RSPH14: variants seen among roughly 807,000 people sequenced by gnomAD.
RSPH14 encodes rhabdoid tumor deletion region gene 1.
In RSPH14, 20 loss-of-function variants were observed where a neutral mutation model predicts 26.7. The ratio of observed to expected loss-of-function variants is 0.75; its 90% CI spans 0.53 to 1.09. The LOEUF is 1.09. Among genes scored for constraint, RSPH14 ranks in the 50% least tolerant of loss-of-function variants. The probability of loss-of-function intolerance (pLI) is 0.00; values close to 1 mark genes in which losing one functional copy is unlikely to be tolerated. For synonymous variants in RSPH14, 177 were observed against 189.3 expected, an observed-to-expected ratio of 0.93 and a Z score of 0.53; for missense variants, 449 against 457.2, an observed-to-expected ratio of 0.98 and a Z score of 0.16.
At chr22:23,072,120 GCTT>G (rs1200700975) in intron 4 of RSPH14, among the ~76,000 whole-genome samples, 1 of 152,186 alleles carries the variant, frequency 6.6e-6, no homozygotes, top group Admixed American at 6.5e-5. Flanking sequence ...CTGAGACTGT[GCTT>G]CCAGGCACTT....
Position 23,123,203 on chromosome 22 carries a change from C to G in RSPH14, c.421+10823G>C, listed in dbSNP as rs762162883. 3 of 1,614,052 alleles carry G rather than the reference C, an allele frequency of 1.9e-6. No individual in the cohort carries two copies. In the East Asian group the frequency reaches 6.7e-5, roughly 36 times the overall value. On this transcript the variant is annotated intron_variant, in intron 4 of 6. Transcript: ENST00000216036. ...AGGACCTGCTGGCAGAGAAGATCCG[C>G]CGCATCCCGCTCACCATCTGCTTTC...
chr22:23,145,241 A>AT, upstream of RSPH14: 3 of 857,726 alleles, frequency 3.5e-6, no homozygotes, highest in East Asian at 2.8e-5. Flanking sequence ...GGGCCTCCAT[A>AT]GCCCCGCCCA....
the RSPH14 span, among the ~76,000 whole-genome samples, chr22:23,175,380 A>G: frequency 6.9e-6 from 1 of 144,934 alleles, no homozygotes; most frequent in Admixed American, 6.9e-5. Flanking sequence ...GTCTCACTCC[A>G]TCACCCAGGC....
chr22:23,152,445 G>C, the RSPH14 span: 1 of 1,614,084 alleles, frequency 6.2e-7, no homozygotes. Context: ...CGGCAACACG[G>C]CCATATTTCT....
chr22:23,124,274 C>T (rs1601844706), intron 4 of RSPH14: 1 of 175,300 alleles, frequency 5.7e-6, no homozygotes. Context: ...CAGAAAATTT[C>T]AAATGCAGTT....
intron 4 of RSPH14, among the ~76,000 whole-genome samples, chr22:23,110,448 C>T (rs549738991): frequency 6.6e-6 from 1 of 152,354 alleles, no homozygotes; most frequent in African/African-American, 2.4e-5. Flanking sequence ...CAGCCAGGAA[C>T]AGGTCACCAG....
the RSPH14 span, chr22:23,158,956 G>A: frequency 1.9e-6 from 3 of 1,614,200 alleles, no homozygotes; most frequent in Non-Finnish European, 2.5e-6. Flanking sequence ...CATCTTCCTC[G>A]TGGGAACCAA....
intron 4 of RSPH14, chr22:23,070,715 C>T (rs1473381460): frequency 6.6e-6 from 1 of 152,254 alleles, no homozygotes; most frequent in Non-Finnish European, 1.5e-5. Context: ...CAGGGATGCC[C>T]CTCAGGGGTG....
In RSPH14 at chr22:23,140,254, T is replaced by C; in HGVS notation, c.167A>G (p.Asp56Gly). The part of the protein sequence containing the change: ...ALMALCDLMH[D>G]PECIYKAMNI... ...CATGGCCTTGTAGATACACTCGGGGTCATGCATGAGGTCACACAAGGCCAT... is the reference window on the plus strand; with the variant it reads ...CATGGCCTTGTAGATACACTCGGGGCCATGCATGAGGTCACACAAGGCCAT... Residue 56 changes from aspartate (D) to glycine (G), a missense_variant, in exon 2 of 7, where the codon GAC (aspartate) becomes GGC (glycine). Transcript: ENST00000216036. 1 of 1,613,970 alleles carries C rather than the reference T, an allele frequency of 6.2e-7. No individual in the cohort carries two copies. Among genetic ancestry groups the C allele is most frequent in the Non-Finnish European group, 8.5e-7 (1 of 1,180,010 alleles).
chr22:23,107,798 C>T (rs142584661), intron 4 of RSPH14, among the ~76,000 whole-genome samples: 7 of 152,262 alleles, frequency 4.6e-5, no homozygotes, highest in South Asian at 2.1e-4. Flanking sequence ...AGTTCCTGAT[C>T]GTTTTAAAGC....
chr22:23,083,638 C>T (rs964807527), intron 4 of RSPH14, among the ~76,000 whole-genome samples: 2 of 152,090 alleles, frequency 1.3e-5, no homozygotes, highest in Admixed American at 6.6e-5. Context: ...CACACACAAG[C>T]CATTGGAGGC....
chr22:23,149,779 C>G (rs1269061189), upstream of RSPH14, among the ~76,000 whole-genome samples: 1 of 152,244 alleles, frequency 6.6e-6, no homozygotes, highest in African/African-American at 2.4e-5. Flanking sequence ...CCAGAGCAGA[C>G]AGGCCTGTCA....
chr22:23,109,757 C>G (rs1163195231), intron 4 of RSPH14, among the ~76,000 whole-genome samples: 1 of 152,246 alleles, frequency 6.6e-6, no homozygotes, highest in Non-Finnish European at 1.5e-5. Flanking sequence ...GGAATGGAAA[C>G]AGCTGCCCCA....
At chr22:23,154,971 C>A in the RSPH14 span, among the ~76,000 whole-genome samples, 6 of 152,084 alleles carry the variant, frequency 3.9e-5, no homozygotes, top group African/African-American at 1.4e-4. Context: ...ACTAAAAATA[C>A]AAAATTAGCC....
rs577914438 is a variant in RSPH14 at position 23,087,141 on chromosome 22, G to A, written c.422-23008C>T. Among the ~76,000 whole-genome samples, 7 of 152,268 alleles carry A rather than the reference G, an allele frequency of 4.6e-5. No individual in the cohort carries two copies. The South Asian group carries it at 1.0e-3, about 23-fold the overall frequency. Reference sequence around the variant, plus strand: ...TGGTGGGAGCTGATGTAGGGACGGCGGCTCCAGAGTTGGGGGCAGCACCCA... The same window carrying A: ...TGGTGGGAGCTGATGTAGGGACGGCAGCTCCAGAGTTGGGGGCAGCACCCA... On this transcript the variant is annotated intron_variant, in intron 4 of 6. Transcript: ENST00000216036.
At position 23,130,093 on chromosome 22, in the gene RSPH14, A is replaced by AAGAAAG. The variant is rs2070295177; in HGVS notation, c.421+3927_421+3932dup. Among the ~76,000 whole-genome samples the AAGAAAG allele has an allele frequency of 2.5e-4, 9 of 35,656 alleles. 2 individuals are homozygous for AAGAAAG. The highest frequency in any genetic ancestry group is 7.4e-4 in the African/African-American group (9 of 12,110). 23.4% of individuals were successfully genotyped at this position (35,656 alleles called of 152,430 possible). ...AAAGAAAGAAAGAAAGGAAGAAAGA[A>AAGAAAG]AGAAAGAAAGAAAGAAAGAAAGAAA... On this transcript the variant is annotated intron_variant, in intron 4 of 6. Transcript: ENST00000216036.
At chr22:23,169,122 A>T in the RSPH14 span, among the ~76,000 whole-genome samples, 1 of 152,274 alleles carries the variant, frequency 6.6e-6, no homozygotes, top group African/African-American at 2.4e-5. Flanking sequence ...GTTCCTGAGG[A>T]GGGGCCCAGG....
chr22:23,145,579 C>T (rs760825694), upstream of RSPH14: 1 of 1,584,650 alleles, frequency 6.3e-7, no homozygotes, highest in East Asian at 2.3e-5. Flanking sequence ...CTCTGTCCGA[C>T]CCTCCCGGTC....
the RSPH14 span, chr22:23,160,805 G>A: frequency 6.4e-7 from 1 of 1,559,026 alleles, no homozygotes; most frequent in Non-Finnish European, 8.7e-7. Context: ...AGGCTAGCCT[G>A]GCTTTCACAC....
Sources: gnomAD v4.1 joint callset for allele counts (sites outside exome capture counted in the v4.1 genomes callset) on GRCh38, gnomAD v4.1.1 for gene constraint, MANE v1.5 for transcripts, NCBI Gene and HGNC (gene_info 2026-07-23, HGNC 2026-07-21) for gene names.